EPRS1: variants seen among roughly 807,000 people sequenced by gnomAD.
EPRS1 encodes glutamyl-prolyl-tRNA synthetase 1, also known as bifunctional glutamate/proline--tRNA ligase.
EPRS1 carries 107 observed loss-of-function variants against 188.3 expected under a neutral mutation model. The observed-to-expected ratio is 0.57, with a 90% CI of 0.49 to 0.67. EPRS1 has a LOEUF of 0.67. Ranked by LOEUF, EPRS1 falls within the 30% of genes least tolerant of loss-of-function variation. EPRS1 has a pLI of 0.00. For synonymous variants in EPRS1, 596 were observed against 593.1 expected (o/e 1.00, Z -0.07); for missense variants, 1,577 against 1,802.2 (o/e 0.88, Z 2.26).
chr1:220,006,263 T>C lies in EPRS1; in HGVS notation c.1793A>G (p.Asn598Ser), dbSNP rs1291191748. The C allele has an allele frequency of 1.9e-6, 3 of 1,592,826 alleles. No homozygotes were observed. Among genetic ancestry groups the C allele is most frequent in the Admixed American group, 3.5e-5 (2 of 57,470 alleles). Residue 598 changes from asparagine to serine, a missense_variant, in exon 15 of 32, where the codon AAC becomes AGC. Coordinates refer to ENST00000366923, the MANE Select transcript of EPRS1 (RefSeq NM_004446.3). ...CTTAGTGGTTTTCTTGTAGTCTTTG[T>C]TTTCCAAATTCAACTTTGCATCAAG... ...ISLDAKLNLE[N>S]KDYKKTTKVT...
At position 219,974,211 on chromosome 1, in the gene EPRS1, T is replaced by C. The variant is rs572845147; in HGVS notation, c.4084-813A>G. Among the ~76,000 whole-genome samples the C allele has an allele frequency of 4.3e-4, 65 of 152,288 alleles. 1 individual carries two copies. The South Asian group carries it at 0.013, about 30-fold the overall frequency. ...TGCCGGCCTCAGCCTCTCAAATTGCTGGGATTATAGACGTGAGCCACCGTA... is the reference window on the plus strand; with the variant it reads ...TGCCGGCCTCAGCCTCTCAAATTGCCGGGATTATAGACGTGAGCCACCGTA... On this transcript the variant is annotated intron_variant, in intron 28 of 31. Transcript: ENST00000366923.
chr1:219,981,506 C>A, intron 23 of EPRS1, 49 bp from the exon 24 acceptor site: 1 of 1,192,200 alleles, frequency 8.4e-7, no homozygotes, highest in South Asian at 1.5e-5. Context: ...TTTATTTCTC[C>A]TTTAGGGATG....
chr1:220,024,553 C>T (rs1661938331), intron 7 of EPRS1, 97 bp from the exon 8 acceptor site: 1 of 751,630 alleles, frequency 1.3e-6, no homozygotes, highest in Non-Finnish European at 2.1e-6. Flanking sequence ...GTAACATAGA[C>T]CATCAGTCTT....
chr1:220,021,744 A>C (rs573445179), intron 9 of EPRS1, among the ~76,000 whole-genome samples: 1 of 152,366 alleles, frequency 6.6e-6, no homozygotes, highest in Admixed American at 6.5e-5. Context: ...CACATCAGCT[A>C]ACCAAGTAAT....
At chr1:219,991,837 T>G (rs971152789) in intron 18 of EPRS1, among the ~76,000 whole-genome samples, 4 of 152,178 alleles carry the variant, frequency 2.6e-5, no homozygotes, top group Non-Finnish European at 4.4e-5. Flanking sequence ...TACAAATCAA[T>G]TAACACAAAT....
chr1:220,022,478 T>C lies in EPRS1; in HGVS notation c.984A>G (p.Lys328=). ...AACAGGACTGACCAAACTGGCTCCCTTTTTTCATTTCTTCCCACATTTGTA... is the reference window on the plus strand; with the variant it reads ...AACAGGACTGACCAAACTGGCTCCCCTTTTTCATTTCTTCCCACATTTGTA... The part of the protein sequence containing the change: ...KNLQMWEEMK[K]GSQFGQSCCL... Residue 328 remains lysine, a synonymous_variant, in exon 9 of 32, where the codon AAA becomes AAG. Transcript: ENST00000366923. 1 of 1,612,404 alleles carries C rather than the reference T, an allele frequency of 6.2e-7. No individual in the cohort carries two copies. The highest frequency in any genetic ancestry group is 1.7e-5 in the Admixed American group (1 of 59,792).
intron 12 of EPRS1, among the ~76,000 whole-genome samples, chr1:220,014,221 G>A (rs764941347): frequency 1.1e-4 from 17 of 151,956 alleles, no homozygotes; most frequent in Non-Finnish European, 1.8e-4. Context: ...CCAGCTACTC[G>A]GGAGGCTGAA....
At chr1:219,999,732 G>GAT in intron 17 of EPRS1, among the ~76,000 whole-genome samples, 1 of 152,278 alleles carries the variant, frequency 6.6e-6, no homozygotes, top group East Asian at 1.9e-4. Context: ...CCAGTACTTT[G>GAT]GGAGGCCGAG....
intron 7 of EPRS1, 160 bp downstream of exon 7, chr1:220,024,972 G>T: frequency 1.5e-6 from 1 of 675,946 alleles, no homozygotes. Flanking sequence ...TGGTATGGGA[G>T]CTCGACATTT....
intron 18 of EPRS1, among the ~76,000 whole-genome samples, chr1:219,993,933 G>A (rs1423698780): frequency 1.3e-5 from 2 of 152,196 alleles, no homozygotes; most frequent in East Asian, 3.8e-4. Flanking sequence ...GGACTAAAAA[G>A]TGTATAGTAC....
chr1:219,972,208 G>A, intron 29 of EPRS1, 61 bp from the exon 30 acceptor site: 1 of 1,076,176 alleles, frequency 9.3e-7, no homozygotes, highest in Non-Finnish European at 1.4e-6. Context: ...AAAGTTTTAT[G>A]AAACACATAA....
intron 21 of EPRS1, among the ~76,000 whole-genome samples, chr1:219,983,818 A>G (rs1417847871): frequency 6.6e-6 from 1 of 150,942 alleles, no homozygotes; most frequent in Non-Finnish European, 1.5e-5. Flanking sequence ...GCTTGAACCC[A>G]GGAGGCGGAG....
At chr1:219,973,424 A>G in intron 28 of EPRS1, 26 bp from the exon 29 acceptor site, 3 of 1,560,392 alleles carry the variant, frequency 1.9e-6, no homozygotes, top group Non-Finnish European at 1.8e-6. Flanking sequence ...GGCAGTTAAA[A>G]TGATATATGA....
chr1:220,040,046 T>C, intron 2 of EPRS1, 139 bp downstream of exon 2: 1 of 590,358 alleles, frequency 1.7e-6, no homozygotes, highest in Non-Finnish European at 3.0e-6. Context: ...GATGGCAGGA[T>C]CCTGAGTCCA....
chr1:219,984,101 TACA>T (rs1467329072), intron 21 of EPRS1, 102 bp downstream of exon 21: 6 of 778,314 alleles, frequency 7.7e-6, no homozygotes, highest in Non-Finnish European at 1.4e-5. Flanking sequence ...AAAGGCATTA[TACA>T]ACATTATTAC....
chr1:219,973,295 T>G lies in EPRS1; in HGVS notation c.4187A>C (p.Glu1396Ala), dbSNP rs1361765617. 4 of 1,612,512 alleles carry G rather than the reference T, an allele frequency of 2.5e-6. No homozygotes were observed. The South Asian group carries it at 4.4e-5, about 18-fold the overall frequency. ...AATAGCTTGAAGTTTAGTCTCTGCCTCATTTTCAGCAACTGTCAGCTTTTC... is the reference window on the plus strand; with the variant it reads ...AATAGCTTGAAGTTTAGTCTCTGCCGCATTTTCAGCAACTGTCAGCTTTTC... ...TGEKLTVAEN[E>A]AETKLQAILE... Residue 1396 changes from glutamate (E) to alanine (A), a missense_variant, in exon 29 of 32, where the codon GAG becomes GCG. Physicochemically the swap from Glu to Ala is moderately radical, Grantham distance 107 (BLOSUM62 -1). This residue lies in a region of EPRS1 where 296 missense variants were observed against 327.9 expected (regional missense o/e 0.90). Transcript: ENST00000366923.
Position 219,988,593 on chromosome 1 carries a change from A to G in EPRS1, c.2772T>C (p.Pro924=). The G allele has an allele frequency of 6.2e-7, 1 of 1,602,226 alleles. No individual in the cohort carries two copies. The highest frequency in any genetic ancestry group is 8.6e-7 in the Non-Finnish European group (1 of 1,169,522). Residue 924 remains proline (P), a synonymous_variant, in exon 19 of 32, where the codon CCT becomes CCC. Coordinates refer to ENST00000366923, the MANE Select transcript of EPRS1 (RefSeq NM_004446.3). ...ATAAACAAAATAACACACTAACCTT[A>G]GGGGCTTTTTCAGTTTTAAGTTTCC... is the stretch of plus-strand genomic sequence containing the variant. ...VVRKLKTEKA[P]KDQVDIAVQE...
At chr1:220,006,768 A>G (rs1008755418) in intron 14 of EPRS1, among the ~76,000 whole-genome samples, 3 of 152,234 alleles carry the variant, frequency 2.0e-5, no homozygotes, top group African/African-American at 7.2e-5. Flanking sequence ...GAATCTGAAG[A>G]TCATATTCCT....
intron 2 of EPRS1, among the ~76,000 whole-genome samples, chr1:220,039,954 T>A (rs1166905453): frequency 6.6e-6 from 1 of 152,202 alleles, no homozygotes; most frequent in Non-Finnish European, 1.5e-5. Context: ...AACACAGTGA[T>A]ACCCCATCTC....
Sources: gnomAD v4.1 joint callset for allele counts (sites outside exome capture counted in the v4.1 genomes callset) on GRCh38, gnomAD v4.1.1 for gene constraint, gnomAD v4.1.1 regional missense constraint, MANE v1.5 for transcripts, NCBI Gene and HGNC (gene_info 2026-07-23, HGNC 2026-07-21) for gene names.